The following TRIM23 variants were observed in gnomAD, a reference collection of about 807,000 sequenced individuals.
TRIM23 encodes the protein E3 ubiquitin-protein ligase TRIM23.
Under a neutral mutation model 71.0 loss-of-function variants are expected in TRIM23, and 27 were observed. The ratio of observed to expected loss-of-function variants is 0.38; its 90% CI spans 0.28 to 0.52. TRIM23 has a LOEUF of 0.52. Among genes scored for constraint, TRIM23 ranks in the 20% least tolerant of loss-of-function variants. TRIM23 has a pLI of 0.84. For synonymous variants in TRIM23, 234 were observed against 238.0 expected (o/e 0.98, Z 0.16); for missense variants, 482 against 692.3 (o/e 0.70, Z 3.41).
At position 65,614,151 on chromosome 5, in the gene TRIM23, C is replaced by T; in HGVS notation, c.313G>A (p.Gly105Arg). The change falls in exon 3 of 11, where the codon GGG becomes AGG. Residue 105 changes from glycine to arginine, a missense_variant. Coordinates refer to ENST00000231524, the MANE Select transcript of TRIM23 (RefSeq NM_001656.4). ...GCAGCTCCATACTGACCAATAGGCC[C>T]ATTCTGCAGTCGTTCCAAAAGCTCC... is the stretch of plus-strand genomic sequence containing the variant. ...LLELLERLQN[G>R]PIGQYGAAEE... 1 of 1,614,048 alleles carries T rather than the reference C, an allele frequency of 6.2e-7. No individual in the cohort carries two copies. Among genetic ancestry groups the T allele is most frequent in the East Asian group, 2.2e-5 (1 of 44,850 alleles).
chr5:65,591,671 C>G lies in TRIM23; in HGVS notation c.*98G>C. 9.7e-6 allele frequency: 7 copies of G among 720,816 alleles called. No homozygotes were observed. The highest frequency in any genetic ancestry group is 1.3e-5 in the Non-Finnish European group (7 of 533,760). 44.7% of individuals were successfully genotyped at this position (720,816 alleles called of 1,614,324 possible). A position where few individuals can be genotyped will look rare whatever the true frequency, so the allele number is the denominator to read the frequency against. ...TATATATATATATATATATATGCATCCTAAATTACCATCTTTTGAGATGTA... is the reference window on the plus strand; with the variant it reads ...TATATATATATATATATATATGCATGCTAAATTACCATCTTTTGAGATGTA... On this transcript the variant is annotated 3_prime_UTR_variant, in exon 11 of 11. Coordinates refer to ENST00000231524, the MANE Select transcript of TRIM23 (RefSeq NM_001656.4).
chr5:65,604,885 C>T, intron 7 of TRIM23, 26 bp downstream of exon 7: 1 of 1,540,864 alleles, frequency 6.5e-7, no homozygotes. Flanking sequence ...AGAAAAAATA[C>T]CTAAAAATAA....
intron 7 of TRIM23, among the ~76,000 whole-genome samples, chr5:65,603,043 T>G (rs538885784): frequency 2.4e-3 from 365 of 152,232 alleles, no homozygotes; most frequent in African/African-American, 7.9e-3. Context: ...ACAGGCCAAG[T>G]GGAATAAGCC....
intron 6 of TRIM23, among the ~76,000 whole-genome samples, chr5:65,605,682 T>G (rs992992864): frequency 1.3e-5 from 2 of 152,236 alleles, no homozygotes; most frequent in Admixed American, 6.5e-5. Context: ...AGTCAAGAAC[T>G]TTCCAGTTTC....
chr5:65,621,348 T>C (rs1473307479), intron 1 of TRIM23, among the ~76,000 whole-genome samples: 1 of 152,218 alleles, frequency 6.6e-6, no homozygotes, highest in Admixed American at 6.5e-5. Context: ...TGAGGCTCTG[T>C]CTCAAAAATT....
intron 6 of TRIM23, chr5:65,607,090 T>C (rs1754528872): frequency 6.6e-6 from 1 of 152,266 alleles, no homozygotes; most frequent in South Asian, 2.1e-4. Flanking sequence ...GATGGATGAT[T>C]AAATTATGTT....
intron 3 of TRIM23, 33 bp downstream of exon 3, chr5:65,614,065 C>T (rs779002444): frequency 6.9e-6 from 11 of 1,598,756 alleles, no homozygotes; most frequent in South Asian, 2.3e-5. Context: ...AATTCATGCT[C>T]GTAACAAATA....
At chr5:65,614,940 C>T (rs1344381434) in intron 2 of TRIM23, among the ~76,000 whole-genome samples, 1 of 151,930 alleles carries the variant, frequency 6.6e-6, no homozygotes, top group Non-Finnish European at 1.5e-5. Flanking sequence ...CTATGTTGCC[C>T]AGGCTGGTGT....
chr5:65,594,505 T>C lies in TRIM23; in HGVS notation c.1545+16A>G, dbSNP rs1485909448. 1 of 1,594,990 alleles carries C rather than the reference T, an allele frequency of 6.3e-7. No homozygotes were observed. The highest frequency in any genetic ancestry group is 8.5e-7 in the Non-Finnish European group (1 of 1,174,736). ...AAAACTACTAAAATAAATATTCCAA[T>C]ATAAAAATGCATTACCTGTTTGTTA... On this transcript the variant is annotated intron_variant, in intron 10 of 10. Coordinates refer to ENST00000231524, the MANE Select transcript of TRIM23 (RefSeq NM_001656.4).
chr5:65,622,087 C>A (rs113672295), intron 1 of TRIM23, among the ~76,000 whole-genome samples: 1 of 151,932 alleles, frequency 6.6e-6, no homozygotes, highest in East Asian at 1.9e-4. Context: ...CCCACCTCAG[C>A]CTCCCAAAGT....
At chr5:65,602,931 T>C (rs1754400767) in intron 7 of TRIM23, among the ~76,000 whole-genome samples, 1 of 152,134 alleles carries the variant, frequency 6.6e-6, no homozygotes, top group Non-Finnish European at 1.5e-5. Context: ...GAGATTTGGG[T>C]GGGGACACAG....
chr5:65,623,983 G>A (rs960194726), intron 1 of TRIM23, among the ~76,000 whole-genome samples: 1 of 152,196 alleles, frequency 6.6e-6, no homozygotes, highest in African/African-American at 2.4e-5. Context: ...CAAATGTCCC[G>A]ATGATGACAT....
Position 65,611,844 on chromosome 5 carries a change from G to A in TRIM23, c.404C>T (p.Ala135Val). Residue 135 changes from alanine to valine, a missense_variant, in exon 4 of 11, where the codon GCC becomes GTC. Ala to Val is a moderately conservative substitution (Grantham distance 64, BLOSUM62 0). Around this residue, in one of 2 missense-constraint regions of TRIM23, gnomAD observed 175 missense variants for 196.5 expected, o/e 0.89. Coordinates refer to ENST00000231524, the MANE Select transcript of TRIM23 (RefSeq NM_001656.4). ...IRCDEDEAHL[A>V]SVYCTVCATH... Reference sequence around the variant, plus strand: ...TGCACACACAGTGCAATATACAGAGGCAAGGTGAGCTTCATCTTCATCACA... The same window carrying A: ...TGCACACACAGTGCAATATACAGAGACAAGGTGAGCTTCATCTTCATCACA... 1.2e-6 allele frequency: 2 copies of A among 1,613,464 alleles called. No homozygotes were observed. Among genetic ancestry groups the A allele is most frequent in the Non-Finnish European group, 1.7e-6 (2 of 1,179,490 alleles).
intron 10 of TRIM23, 86 bp from the exon 11 acceptor site, chr5:65,592,034 C>T (rs1754053450): frequency 7.5e-7 from 1 of 1,338,998 alleles, no homozygotes; most frequent in East Asian, 2.5e-5. Flanking sequence ...AATTTGTTGA[C>T]AGTGTTCTAA....
In TRIM23 at chr5:65,594,657, A is replaced by G; in HGVS notation, c.1421-12T>C. The G allele has an allele frequency of 6.5e-7, 1 of 1,539,098 alleles. No homozygotes were observed. The highest frequency in any genetic ancestry group is 8.7e-7 in the Non-Finnish European group (1 of 1,148,374). On this transcript the variant is annotated splice_polypyrimidine_tract_variant and intron_variant, in intron 9 of 10. Coordinates refer to ENST00000231524, the MANE Select transcript of TRIM23 (RefSeq NM_001656.4). Reference sequence around the variant, plus strand: ...AACAAACACAACAGCTACCCAAAAAAAAATAAAAAAAACAAAAATAGTCAC... The same window carrying G: ...AACAAACACAACAGCTACCCAAAAAGAAATAAAAAAAACAAAAATAGTCAC...
intron 2 of TRIM23, among the ~76,000 whole-genome samples, chr5:65,617,466 C>T (rs1554126062): frequency 3.3e-5 from 5 of 152,140 alleles, no homozygotes; most frequent in Non-Finnish European, 4.4e-5. Flanking sequence ...AGTAAACTTA[C>T]AGAACTTACG....
chr5:65,618,487 G>T (rs569763650), intron 1 of TRIM23, among the ~76,000 whole-genome samples: 1 of 152,188 alleles, frequency 6.6e-6, no homozygotes, highest in African/African-American at 2.4e-5. Flanking sequence ...AAGTGTTGGG[G>T]CAAAGATGCT....
chr5:65,613,622 C>A, intron 3 of TRIM23: 1 of 936,064 alleles, frequency 1.1e-6, no homozygotes, highest in Non-Finnish European at 1.3e-6. Context: ...GACAGTACAT[C>A]TATACAAAGT....
intron 5 of TRIM23, among the ~76,000 whole-genome samples, chr5:65,610,620 C>T (rs1754624497): frequency 6.6e-6 from 1 of 152,206 alleles, no homozygotes; most frequent in African/African-American, 2.4e-5. Flanking sequence ...CTCCATAAAT[C>T]ATTGTCCCTG....
Sources: allele counts gnomAD v4.1 joint callset (sites outside exome capture counted in the v4.1 genomes callset), GRCh38; gene constraint gnomAD v4.1.1; regional missense constraint gnomAD v4.1.1; transcripts MANE v1.5; gene names NCBI Gene and HGNC (gene_info 2026-07-23, HGNC 2026-07-21).